L3MBTL4: variants seen among roughly 807,000 people sequenced by gnomAD.
L3MBTL4 encodes the protein lethal(3)malignant brain tumor-like protein 4.
L3MBTL4 carries 70 observed loss-of-function variants against 84.5 expected under a neutral mutation model. The observed-to-expected ratio is 0.83, with a 90% CI of 0.68 to 1.01. L3MBTL4 has a LOEUF of 1.01. Ranked by LOEUF, L3MBTL4 falls within the 50% of genes least tolerant of loss-of-function variation. L3MBTL4 has a pLI of 0.00. For missense variants in L3MBTL4, 715 were observed against 754.8 expected (o/e 0.95, Z 0.62); for synonymous variants, 274 against 259.8 (o/e 1.05, Z -0.52).
rs116719951 is a variant in L3MBTL4 at position 5,982,085 on chromosome 18, T to C, written c.1445-12523A>G. On this transcript the variant is annotated intron_variant, in intron 16 of 18. Coordinates refer to ENST00000317931, the MANE Select transcript of L3MBTL4 (RefSeq NM_001330559.2). Reference sequence around the variant, plus strand: ...GGCAGGAACAAGTAACTTGCATAAGTTAAAGAACAAATTATGAAGCAAAGG... The same window carrying C: ...GGCAGGAACAAGTAACTTGCATAAGCTAAAGAACAAATTATGAAGCAAAGG... Among the ~76,000 whole-genome samples, 1,412 of 150,504 alleles carry C rather than the reference T, an allele frequency of 9.4e-3. 28 individuals are homozygous for C. The highest frequency in any genetic ancestry group is 0.033 in the African/African-American group (1,329 of 40,812).
At chr18:6,007,610 T>G (rs915898680) in intron 16 of L3MBTL4, among the ~76,000 whole-genome samples, 2 of 152,244 alleles carry the variant, frequency 1.3e-5, no homozygotes, top group African/African-American at 4.8e-5. Context: ...GAATTTATCC[T>G]GTAGGCCTAC....
At chr18:6,333,065 A>G (rs2143217126) in intron 1 of L3MBTL4, among the ~76,000 whole-genome samples, 1 of 152,262 alleles carries the variant, frequency 6.6e-6, no homozygotes, top group Admixed American at 6.5e-5. Context: ...AAAGACCTCA[A>G]AAAAATATAA....
At chr18:6,143,829 T>C (rs1299902752) in intron 13 of L3MBTL4, among the ~76,000 whole-genome samples, 1 of 151,608 alleles carries the variant, frequency 6.6e-6, no homozygotes. Flanking sequence ...CCCCAGCACC[T>C]ATTATCTGCC....
At chr18:5,970,394 C>T (rs945546001) in intron 16 of L3MBTL4, among the ~76,000 whole-genome samples, 4 of 152,126 alleles carry the variant, frequency 2.6e-5, no homozygotes, top group African/African-American at 9.7e-5. Context: ...TATCAACAGC[C>T]TTCTGTGCTG....
At chr18:5,983,921 A>T (rs1425738768) in intron 16 of L3MBTL4, among the ~76,000 whole-genome samples, 2 of 151,902 alleles carry the variant, frequency 1.3e-5, no homozygotes, top group Non-Finnish European at 2.9e-5. Flanking sequence ...TCTGAATTTT[A>T]TTTTTTTTGA....
At chr18:6,376,661 A>G (rs1029718539) in intron 1 of L3MBTL4, among the ~76,000 whole-genome samples, 2 of 152,052 alleles carry the variant, frequency 1.3e-5, no homozygotes, top group Non-Finnish European at 2.9e-5. Context: ...TCACTTGGAC[A>G]TGGGAGGTTG....
intron 3 of L3MBTL4, among the ~76,000 whole-genome samples, chr18:6,303,312 G>T (rs1307058102): frequency 6.6e-6 from 1 of 151,970 alleles, no homozygotes; most frequent in Non-Finnish European, 1.5e-5. Context: ...GTAATGATGG[G>T]GTTTCACTAT....
intron 10 of L3MBTL4, among the ~76,000 whole-genome samples, chr18:6,219,472 C>T (rs573601825): frequency 7.0e-6 from 1 of 143,006 alleles, no homozygotes; most frequent in Non-Finnish European, 1.5e-5. Flanking sequence ...CACCCATGCC[C>T]ACAGCCACAG....
intron 12 of L3MBTL4, among the ~76,000 whole-genome samples, chr18:6,183,109 C>T (rs929721660): frequency 6.6e-6 from 1 of 152,104 alleles, no homozygotes; most frequent in African/African-American, 2.4e-5. Context: ...AAGATTTGCA[C>T]AAGAAATAAA....
chr18:6,142,991 C>A (rs2060243479), intron 13 of L3MBTL4, among the ~76,000 whole-genome samples: 1 of 152,132 alleles, frequency 6.6e-6, no homozygotes, highest in East Asian at 1.9e-4. Flanking sequence ...AAACAGTTTT[C>A]TCTAAACTGC....
At chr18:6,179,805 T>C (rs1010808826) in intron 12 of L3MBTL4, among the ~76,000 whole-genome samples, 8 of 152,088 alleles carry the variant, frequency 5.3e-5, no homozygotes, top group Admixed American at 3.9e-4. Flanking sequence ...TCAATTATTT[T>C]ATTTTGTTTT....
intron 5 of L3MBTL4, among the ~76,000 whole-genome samples, chr18:6,245,809 T>C (rs1316194045): frequency 6.6e-6 from 1 of 152,134 alleles, no homozygotes; most frequent in East Asian, 1.9e-4. Flanking sequence ...CAGGCTGGTC[T>C]TGAACTCCTG....
At chr18:6,254,456 A>G (rs2048055053) in intron 5 of L3MBTL4, among the ~76,000 whole-genome samples, 2 of 109,484 alleles carry the variant, frequency 1.8e-5, no homozygotes, top group Admixed American at 1.3e-4. Context: ...TGTTTGGCTG[A>G]TGGGGAAAAT....
intron 4 of L3MBTL4, among the ~76,000 whole-genome samples, chr18:6,286,035 T>C (rs1003149313): frequency 6.6e-5 from 10 of 151,532 alleles, no homozygotes; most frequent in Admixed American, 2.6e-4. Context: ...TTTCACCATG[T>C]TGGCCATGCT....
chr18:6,035,780 A>T (rs1346361130), intron 16 of L3MBTL4, among the ~76,000 whole-genome samples: 1 of 152,194 alleles, frequency 6.6e-6, no homozygotes, highest in Admixed American at 6.5e-5. Context: ...CCTACCCATG[A>T]GCATGCAAAA....
intron 1 of L3MBTL4, among the ~76,000 whole-genome samples, chr18:6,318,494 TAAAAAAAAAAAA>T (rs71370550): frequency 7.0e-4 from 10 of 14,202 alleles, no homozygotes; most frequent in East Asian, 4.2e-3. Context: ...ACAACAATAG[TAAAAAAAAAAAA>T]AAAAAAAAAA....
At chr18:6,162,575 T>G (rs2043395767) in intron 13 of L3MBTL4, among the ~76,000 whole-genome samples, 1 of 152,158 alleles carries the variant, frequency 6.6e-6, no homozygotes, top group South Asian at 2.1e-4. Context: ...GTGAGAAAAG[T>G]TTAGTTTGAA....
intron 16 of L3MBTL4, among the ~76,000 whole-genome samples, chr18:6,062,566 T>A (rs758582834): frequency 4.6e-5 from 7 of 152,024 alleles, no homozygotes; most frequent in Non-Finnish European, 8.8e-5. Context: ...AAATATTTCT[T>A]CTGCTCCTTT....
At chr18:6,041,764 G>T (rs747132483) in intron 16 of L3MBTL4, among the ~76,000 whole-genome samples, 3 of 151,988 alleles carry the variant, frequency 2.0e-5, no homozygotes, top group Admixed American at 1.3e-4. Flanking sequence ...TCACCCTGTT[G>T]CCTAGGCGGG....
Sources: gnomAD v4.1 joint callset for allele counts (sites outside exome capture counted in the v4.1 genomes callset) on GRCh38, gnomAD v4.1.1 for gene constraint, MANE v1.5 for transcripts, NCBI Gene and HGNC (gene_info 2026-07-23, HGNC 2026-07-21) for gene names.